The following CNTN1 variants were observed in gnomAD, a reference collection of about 807,000 sequenced individuals.
The protein encoded by CNTN1 is contactin-1.
CNTN1 carries 38 observed loss-of-function variants against 126.4 expected under a neutral mutation model. That is an observed-to-expected ratio of 0.30 (90% CI 0.23 to 0.39). The LOEUF is 0.39. Ranked by LOEUF, CNTN1 falls within the 10% of genes least tolerant of loss-of-function variation. The pLI is 1.00. For synonymous variants in CNTN1, 413 were observed against 422.6 expected, an observed-to-expected ratio of 0.98 and a Z score of 0.28; for missense variants, 1,009 against 1,248.4, an observed-to-expected ratio of 0.81 and a Z score of 2.89.
rs1592412262 is a variant in CNTN1 at position 41,018,638 on chromosome 12, A to G, written c.2420-1699A>G. Among the ~76,000 whole-genome samples, 4 of 150,978 alleles carry G rather than the reference A, an allele frequency of 2.6e-5. 1 individual carries two copies. The highest frequency in any genetic ancestry group is 2.6e-4 in the Admixed American group (4 of 15,106). On this transcript the variant is annotated intron_variant, in intron 19 of 23. Coordinates refer to ENST00000551295, the MANE Select transcript of CNTN1 (RefSeq NM_001843.4). ...AGTATATATGTATATATTTAAAGTT[A>G]TATATATACTTTTTACTATATTTTT...
chr12:40,908,516 T>C (rs375695999), intron 2 of CNTN1, 23 bp downstream of exon 2: 8 of 1,479,100 alleles, frequency 5.4e-6, no homozygotes, highest in Non-Finnish European at 7.5e-6. Context: ...CTTTGTATAT[T>C]CTACATATAT....
intron 15 of CNTN1, among the ~76,000 whole-genome samples, chr12:40,970,752 C>T (rs570703358): frequency 6.6e-6 from 1 of 152,162 alleles, no homozygotes; most frequent in South Asian, 2.1e-4. Flanking sequence ...AAAGCTGTGG[C>T]CTTTGGTATT....
chr12:41,069,947 T>C lies in CNTN1; in HGVS notation c.2981-12T>C, dbSNP rs1468885089. On this transcript the variant is annotated splice_polypyrimidine_tract_variant and intron_variant, in intron 23 of 23. Coordinates refer to ENST00000551295, the MANE Select transcript of CNTN1 (RefSeq NM_001843.4). ...AATGAAATAATATGCACACTTTTGG[T>C]TTACCTTGCAGGTGCACCCACCCTA... 2.5e-6 allele frequency: 4 copies of C among 1,612,180 alleles called. No individual in the cohort carries two copies. The African/African-American group carries it at 5.3e-5, about 22-fold the overall frequency.
intron 1 of CNTN1, among the ~76,000 whole-genome samples, chr12:40,719,617 G>A (rs1027077519): frequency 3.9e-5 from 6 of 152,194 alleles, no homozygotes; most frequent in African/African-American, 9.6e-5. Context: ...TTATCTTATC[G>A]TGCTTTGAGA....
chr12:40,723,246 A>G (rs1222241227), intron 1 of CNTN1, among the ~76,000 whole-genome samples: 1 of 152,210 alleles, frequency 6.6e-6, no homozygotes, highest in Non-Finnish European at 1.5e-5. Flanking sequence ...TTAGCTATTC[A>G]GGATCATTAT....
intron 15 of CNTN1, among the ~76,000 whole-genome samples, chr12:40,976,114 T>G (rs530718329): frequency 6.6e-6 from 1 of 152,298 alleles, no homozygotes; most frequent in South Asian, 2.1e-4. Flanking sequence ...CTTTTTCTCC[T>G]CTTTCACCTC....
At chr12:40,878,314 A>C (rs201453231) in intron 1 of CNTN1, among the ~76,000 whole-genome samples, 1 of 151,430 alleles carries the variant, frequency 6.6e-6, no homozygotes, top group Non-Finnish European at 1.5e-5. Flanking sequence ...ATTAAAAAAA[A>C]AAAAAGAACC....
intron 23 of CNTN1, among the ~76,000 whole-genome samples, chr12:41,041,771 T>C (rs1366436938): frequency 1.3e-5 from 2 of 152,204 alleles, no homozygotes; most frequent in Non-Finnish European, 2.9e-5. Flanking sequence ...ATCCTCTTTA[T>C]CATTTTTTAT....
chr12:40,822,942 T>C (rs934760991), intron 1 of CNTN1, among the ~76,000 whole-genome samples: 2 of 152,186 alleles, frequency 1.3e-5, no homozygotes, highest in Non-Finnish European at 2.9e-5. Flanking sequence ...GTTGTTACCA[T>C]CTTTATGTCC....
chr12:40,760,004 G>A (rs370187052), intron 1 of CNTN1, among the ~76,000 whole-genome samples: 1 of 151,964 alleles, frequency 6.6e-6, no homozygotes, highest in Non-Finnish European at 1.5e-5. Context: ...AGCCACGGGG[G>A]TCCACTTTGC....
chr12:40,892,879 A>G (rs903260667), intron 1 of CNTN1, among the ~76,000 whole-genome samples: 1 of 150,512 alleles, frequency 6.6e-6, no homozygotes, highest in African/African-American at 2.4e-5. Flanking sequence ...TCAGCACAAT[A>G]TCAATCATTA....
intron 1 of CNTN1, among the ~76,000 whole-genome samples, chr12:40,763,820 A>G (rs1160335199): frequency 6.6e-6 from 1 of 152,210 alleles, no homozygotes; most frequent in African/African-American, 2.4e-5. Flanking sequence ...ATTGGCTTCT[A>G]AGTACACTTA....
intron 5 of CNTN1, among the ~76,000 whole-genome samples, chr12:40,923,516 G>T (rs2136878185): frequency 6.6e-6 from 1 of 152,210 alleles, no homozygotes; most frequent in East Asian, 1.9e-4. Context: ...CATAAGGAAA[G>T]AATTAACAGG....
intron 7 of CNTN1, among the ~76,000 whole-genome samples, chr12:40,932,147 A>G (rs1267277958): frequency 6.6e-6 from 1 of 151,886 alleles, no homozygotes; most frequent in Non-Finnish European, 1.5e-5. Flanking sequence ...GTTACCTGAT[A>G]CGATTTGGCT....
intron 1 of CNTN1, among the ~76,000 whole-genome samples, chr12:40,827,443 A>T (rs915217078): frequency 6.6e-6 from 1 of 152,176 alleles, no homozygotes; most frequent in South Asian, 2.1e-4. Flanking sequence ...TCCATATTTT[A>T]TAGCCACATA....
chr12:40,863,491 A>C (rs781755097), intron 1 of CNTN1, among the ~76,000 whole-genome samples: 21 of 152,170 alleles, frequency 1.4e-4, no homozygotes, highest in Non-Finnish European at 2.4e-4. Flanking sequence ...CTAATATCCT[A>C]TCTCTTAATT....
chr12:40,907,521 G>T (rs1390431094), intron 1 of CNTN1, among the ~76,000 whole-genome samples: 2 of 152,186 alleles, frequency 1.3e-5, no homozygotes, highest in Non-Finnish European at 2.9e-5. Context: ...CCAGGGTCCT[G>T]GGTGAAACTT....
chr12:40,939,233 T>C (rs1052543924), intron 11 of CNTN1, 102 bp from the exon 12 acceptor site: 18 of 1,265,336 alleles, frequency 1.4e-5, no homozygotes, highest in Non-Finnish European at 1.9e-5. Context: ...AGATTAATCC[T>C]TTCCATTAAC....
chr12:41,061,187 C>A (rs867731804), intron 23 of CNTN1, among the ~76,000 whole-genome samples: 1 of 152,090 alleles, frequency 6.6e-6, no homozygotes. Context: ...CTCACCTTGC[C>A]CCAAAATATC....
Sources: allele counts gnomAD v4.1 joint callset (sites outside exome capture counted in the v4.1 genomes callset), GRCh38; gene constraint gnomAD v4.1.1; transcripts MANE v1.5; gene names NCBI Gene and HGNC (gene_info 2026-07-23, HGNC 2026-07-21).